The following ZNF469 variants were observed in gnomAD, a reference collection of about 807,000 sequenced individuals.
ZNF469 encodes zinc finger protein 469.
In ZNF469, 1 loss-of-function variant was observed where a neutral mutation model predicts 1.0. The observed-to-expected ratio is 1.00, with a 90% CI of 0.35 to 4.73. The LOEUF is 4.73. ZNF469 is among the 30% of genes most tolerant of loss of function. The pLI, the probability that ZNF469 is intolerant of heterozygous loss-of-function variation, is 0.16. For missense variants in ZNF469, 6,100 were observed against 5,356.3 expected, an observed-to-expected ratio of 1.14 and a Z score of -4.33; for synonymous variants, 2,703 against 2,363.4, an observed-to-expected ratio of 1.14 and a Z score of -4.17.
chr16:88,200,126 C>CT, the ZNF469 span, among the ~76,000 whole-genome samples: 4 of 125,828 alleles, frequency 3.2e-5, no homozygotes, highest in Non-Finnish European at 7.3e-5. Context: ...CCGGCACGGC[C>CT]GAAGAGAACA....
At chr16:88,239,201 T>G in the ZNF469 span, among the ~76,000 whole-genome samples, 4 of 151,970 alleles carry the variant, frequency 2.6e-5, no homozygotes, top group African/African-American at 4.8e-5. Context: ...TTCTCTGGGG[T>G]TTTTCTACTG....
At chr16:88,123,878 A>C in the ZNF469 span, among the ~76,000 whole-genome samples, 1 of 152,188 alleles carries the variant, frequency 6.6e-6, no homozygotes, top group African/African-American at 2.4e-5. Context: ...GTGTCGGCTA[A>C]CTGCAAACTC....
At chr16:88,414,610 G>A (rs1399480966) in intron 1 of ZNF469, among the ~76,000 whole-genome samples, 1 of 152,264 alleles carries the variant, frequency 6.6e-6, no homozygotes, top group Non-Finnish European at 1.5e-5. Context: ...CGAGGGAGAG[G>A]CAGGCCCTGT....
chr16:88,328,435 G>T, the ZNF469 span, among the ~76,000 whole-genome samples: 1 of 152,218 alleles, frequency 6.6e-6, no homozygotes, highest in Non-Finnish European at 1.5e-5. Flanking sequence ...CGCCATGGCA[G>T]TTCTCAGCCG....
upstream of ZNF469, among the ~76,000 whole-genome samples, chr16:88,379,601 T>C (rs2092516102): frequency 1.3e-5 from 2 of 152,094 alleles, no homozygotes; most frequent in African/African-American, 4.8e-5. Flanking sequence ...CCTCCCGCCA[T>C]TGACACCTGG....
intron 1 of ZNF469, among the ~76,000 whole-genome samples, chr16:88,413,244 G>A (rs2142284843): frequency 6.6e-6 from 1 of 152,370 alleles, no homozygotes; most frequent in African/African-American, 2.4e-5. Flanking sequence ...AGGCAGAGCA[G>A]CAGGAAATGG....
chr16:88,198,519 G>C, the ZNF469 span, among the ~76,000 whole-genome samples: 1 of 152,242 alleles, frequency 6.6e-6, no homozygotes, highest in African/African-American at 2.4e-5. Context: ...AGCTGGTGCA[G>C]CTAAGGAGCT....
chr16:88,341,599 G>A, the ZNF469 span, among the ~76,000 whole-genome samples: 1 of 152,212 alleles, frequency 6.6e-6, no homozygotes, highest in African/African-American at 2.4e-5. Flanking sequence ...CTCCCGCACG[G>A]CTCACAGCTG....
chr16:88,211,659 A>T, the ZNF469 span, among the ~76,000 whole-genome samples: 1 of 152,060 alleles, frequency 6.6e-6, no homozygotes, highest in South Asian at 2.1e-4. Flanking sequence ...TTAGACAAGG[A>T]TTTGGGCAGA....
chr16:88,103,362 C>T, the ZNF469 span, among the ~76,000 whole-genome samples: 1 of 152,252 alleles, frequency 6.6e-6, no homozygotes, highest in Non-Finnish European at 1.5e-5. Context: ...TCCTTCACAC[C>T]AAGCTGGTCT....
chr16:88,281,989 G>T, the ZNF469 span, among the ~76,000 whole-genome samples: 1 of 152,316 alleles, frequency 6.6e-6, no homozygotes, highest in African/African-American at 2.4e-5. Flanking sequence ...TGCTGATGCT[G>T]GTGCATGGGT....
At chr16:88,353,287 C>T in the ZNF469 span, among the ~76,000 whole-genome samples, 2 of 152,146 alleles carry the variant, frequency 1.3e-5, no homozygotes, top group Non-Finnish European at 1.5e-5. Flanking sequence ...CTCTTTAAAA[C>T]GTGAGTCTGC....
At chr16:88,396,917 C>CGGGAGGAGACCCTCATGAAGGGAGGCG (rs1904693763) in intron 1 of ZNF469, among the ~76,000 whole-genome samples, 1 of 148,432 alleles carries the variant, frequency 6.7e-6, no homozygotes, top group Non-Finnish European at 1.5e-5. Context: ...GAAGGGAGGC[C>CGGGAGGAGACCCTCATGAAGGGAGGCG]GGGAGGAGAC....
chr16:88,267,626 A>T, the ZNF469 span, among the ~76,000 whole-genome samples: 3 of 151,534 alleles, frequency 2.0e-5, no homozygotes, highest in Non-Finnish European at 4.4e-5. Context: ...GCCTGGCAGG[A>T]GGTCACCACA....
chr16:88,360,150 G>A, the ZNF469 span, among the ~76,000 whole-genome samples: 5 of 151,820 alleles, frequency 3.3e-5, no homozygotes, highest in African/African-American at 7.3e-5. Context: ...AACCACACCC[G>A]GCTGGGATTA....
the ZNF469 span, among the ~76,000 whole-genome samples, chr16:88,262,497 G>A: frequency 6.6e-6 from 1 of 152,200 alleles, no homozygotes; most frequent in Non-Finnish European, 1.5e-5. The surrounding 1 kb of genome is among the most constrained non-coding windows in gnomAD (Gnocchi z 4.3). Context: ...TTTCCTCCAC[G>A]GCTGGAGGAA....
At chr16:88,222,838 A>G in the ZNF469 span, among the ~76,000 whole-genome samples, 3 of 152,058 alleles carry the variant, frequency 2.0e-5, no homozygotes, top group Admixed American at 1.3e-4. Context: ...GCCTCAAACG[A>G]TCCTTCCACC....
chr16:88,221,983 T>A, the ZNF469 span, among the ~76,000 whole-genome samples: 1 of 152,134 alleles, frequency 6.6e-6, no homozygotes, highest in African/African-American at 2.4e-5. Flanking sequence ...TTTTTCCAGA[T>A]GAGGCCACTC....
rs1906337450 is a variant in ZNF469, at chr16:88,433,361, T to G, written c.5891T>G (p.Val1964Gly). ...PAQGSPGGVQ[V>G]TTLPAVAGHQ... is the part of the protein sequence containing the mutation. Reference sequence around the variant, plus strand: ...CAGGGCTCCCCAGGGGGTGTGCAGGTGACAACTCTCCCTGCAGTGGCCGGA... The same window carrying G: ...CAGGGCTCCCCAGGGGGTGTGCAGGGGACAACTCTCCCTGCAGTGGCCGGA... Residue 1964 changes from valine to glycine, a missense_variant, in exon 3 of 3, where the codon GTG becomes GGG. Transcript: ENST00000565624. 7 of 1,550,066 alleles carry G rather than the reference T, an allele frequency of 4.5e-6. No homozygotes were observed. Among genetic ancestry groups the G allele is most frequent in the Non-Finnish European group, 6.1e-6 (7 of 1,146,906 alleles).
Sources: allele counts gnomAD v4.1 joint callset (sites outside exome capture counted in the v4.1 genomes callset), GRCh38; gene constraint gnomAD v4.1.1; non-coding constraint Gnocchi (gnomAD v3.1); transcripts MANE v1.5; gene names NCBI Gene and HGNC (gene_info 2026-07-23, HGNC 2026-07-21).